CDK5RAP2: variants seen among roughly 807,000 people sequenced by gnomAD.
CDK5RAP2 encodes the protein CDK5 regulatory subunit associated protein 2.
CDK5RAP2 carries 147 observed loss-of-function variants against 232.9 expected under a neutral mutation model. The observed-to-expected ratio is 0.63, with a 90% CI of 0.55 to 0.72. The LOEUF (loss-of-function observed/expected upper bound fraction) is 0.72, where lower values mean the gene tolerates loss of function less well. Among genes scored for constraint, CDK5RAP2 ranks in the 30% least tolerant of loss-of-function variants. CDK5RAP2 has a pLI of 0.00. For missense variants in CDK5RAP2, 2,195 were observed against 2,231.5 expected (o/e 0.98, Z 0.33); for synonymous variants, 833 against 833.7 (o/e 1.00, Z 0.01).
chr9:120,511,936 C>T (rs1359342614), intron 12 of CDK5RAP2, among the ~76,000 whole-genome samples: 1 of 152,076 alleles, frequency 6.6e-6, no homozygotes, highest in Non-Finnish European at 1.5e-5. Flanking sequence ...CAGGATTTCA[C>T]CATGTCGACC....
chr9:120,518,778 C>A, intron 11 of CDK5RAP2, 133 bp from the exon 12 acceptor site: 1 of 697,958 alleles, frequency 1.4e-6, no homozygotes, highest in African/African-American at 1.8e-5. Flanking sequence ...CATTCAGAAA[C>A]CAAAGCAAAA....
At chr9:120,427,020 A>C (rs2034949591) in intron 25 of CDK5RAP2, among the ~76,000 whole-genome samples, 1 of 152,164 alleles carries the variant, frequency 6.6e-6, no homozygotes. Context: ...CCCTTAGCTG[A>C]GGGAAGGGTC....
chr9:120,426,242 T>C (rs1192921334), intron 25 of CDK5RAP2, among the ~76,000 whole-genome samples: 1 of 152,218 alleles, frequency 6.6e-6, no homozygotes, highest in African/African-American at 2.4e-5. Flanking sequence ...TTGGAGTTTA[T>C]TTTGCCAAGG....
At chr9:120,401,562 T>A (rs1252884954) in intron 34 of CDK5RAP2, among the ~76,000 whole-genome samples, 4 of 115,072 alleles carry the variant, frequency 3.5e-5, no homozygotes, top group African/African-American at 1.4e-4. Flanking sequence ...CAGTGTGCCA[T>A]AATCATGCCA....
chr9:120,549,813 A>G (rs10760101), intron 4 of CDK5RAP2, among the ~76,000 whole-genome samples: 128,200 of 152,132 alleles, frequency 0.84, 55,125 homozygotes, highest in Non-Finnish European at 0.93. Flanking sequence ...TCCCTTCCAG[A>G]AAAGGGGACA....
intron 5 of CDK5RAP2, among the ~76,000 whole-genome samples, chr9:120,540,605 G>C (rs1232660468): frequency 6.6e-6 from 1 of 152,202 alleles, no homozygotes; most frequent in African/African-American, 2.4e-5. Context: ...TGAACAACTG[G>C]AAAGAAAGAA....
chr9:120,579,901 A>C lies in CDK5RAP2; in HGVS notation c.59+19T>G, dbSNP rs1243567394. On this transcript the variant is annotated intron_variant, in intron 1 of 37. Coordinates refer to ENST00000349780, the MANE Select transcript of CDK5RAP2 (RefSeq NM_018249.6). ...GAACCCCGGCCCGGTTACCACGACCACCAATGCCCCGGCCGCACCTGCAGC... is the reference window on the plus strand; with the variant it reads ...GAACCCCGGCCCGGTTACCACGACCCCCAATGCCCCGGCCGCACCTGCAGC... 1.2e-6 allele frequency: 2 copies of C among 1,606,836 alleles called. No homozygotes were observed. Among genetic ancestry groups the C allele is most frequent in the Non-Finnish European group, 8.5e-7 (1 of 1,173,524 alleles).
In CDK5RAP2 at chr9:120,453,590, G is replaced by A; in HGVS notation, c.2659C>T (p.His887Tyr). The A allele has an allele frequency of 6.2e-7, 1 of 1,614,170 alleles. No homozygotes were observed. The highest frequency in any genetic ancestry group is 2.2e-5 in the East Asian group (1 of 44,870). The change falls in exon 21 of 38, where the codon CAT becomes TAT. Residue 887 changes from histidine (H) to tyrosine (Y), a missense_variant. Physicochemically the swap from His to Tyr is moderately conservative, Grantham distance 83. Coordinates refer to ENST00000349780, the MANE Select transcript of CDK5RAP2 (RefSeq NM_018249.6). ...TCCCAAGCCTCTCTTGTTGCTTCAT[G>A]CTTGAATCTCAGCAGGTCGCCCTCC... Reference protein sequence around the residue: ...ATEGDLLRFKHEATREAWEEK... With the variant: ...ATEGDLLRFKYEATREAWEEK...
chr9:120,527,008 C>T (rs2040929186), intron 10 of CDK5RAP2, among the ~76,000 whole-genome samples: 4 of 151,492 alleles, frequency 2.6e-5, no homozygotes, highest in Admixed American at 2.0e-4. Context: ...ATCAGGTCCC[C>T]TTCCCTCTGC....
chr9:120,478,989 T>C (rs1169229036), intron 14 of CDK5RAP2, among the ~76,000 whole-genome samples: 1 of 152,168 alleles, frequency 6.6e-6, no homozygotes, highest in East Asian at 1.9e-4. Flanking sequence ...TTGTCAATTA[T>C]AACTCAAAGC....
chr9:120,419,942 T>A lies in CDK5RAP2; in HGVS notation c.4023A>T (p.Leu1341Phe). Residue 1341 changes from leucine to phenylalanine, a missense_variant, in exon 27 of 38, where the codon TTA becomes TTT. Leu to Phe is a conservative substitution (Grantham distance 22). Coordinates refer to ENST00000349780, the MANE Select transcript of CDK5RAP2 (RefSeq NM_018249.6). ...ELMERIEEDN[L>F]TYQHLLPESP... The stretch of plus-strand genomic sequence containing the variant: ...ATTCAGGCAGAAGATGTTGGTAGGT[T>A]AAGTTGTCTTCCTCAATCCTTAACC... 2 of 1,613,864 alleles carry A rather than the reference T, an allele frequency of 1.2e-6. No individual in the cohort carries two copies. The highest frequency in any genetic ancestry group is 1.7e-6 in the Non-Finnish European group (2 of 1,179,758).
At chr9:120,437,200 A>C in intron 25 of CDK5RAP2, 95 bp downstream of exon 25, 1 of 866,712 alleles carries the variant, frequency 1.2e-6, no homozygotes, top group East Asian at 2.6e-5. Context: ...GGTGAAAGAT[A>C]ACTAAGGCCA....
At chr9:120,454,921 G>C (rs2036674439) in intron 20 of CDK5RAP2, among the ~76,000 whole-genome samples, 1 of 152,146 alleles carries the variant, frequency 6.6e-6, no homozygotes, top group Admixed American at 6.5e-5. Flanking sequence ...CCTGCTCCCT[G>C]ATGTCAAATC....
Position 120,529,465 on chromosome 9 carries a change from A to G in CDK5RAP2, c.825+513T>C, listed in dbSNP as rs2041049515. 2.0e-5 allele frequency among the ~76,000 whole-genome samples: 3 copies of G among 152,206 alleles called. No homozygotes were observed. In the South Asian group the frequency reaches 6.2e-4, roughly 32 times the overall value. Reference sequence around the variant, plus strand: ...TTCCTCTGAGCCTGAGCCCGTTTCTAAACGTGACAAGGAGACCATGAGCTC... The same window carrying G: ...TTCCTCTGAGCCTGAGCCCGTTTCTGAACGTGACAAGGAGACCATGAGCTC... On this transcript the variant is annotated intron_variant, in intron 8 of 37. Transcript: ENST00000349780.
chr9:120,410,191 AGAATT>A lies in CDK5RAP2; in HGVS notation c.4415-880_4415-876del, dbSNP rs2033756747. On this transcript the variant is annotated intron_variant, in intron 29 of 37. Coordinates refer to ENST00000349780, the MANE Select transcript of CDK5RAP2 (RefSeq NM_018249.6). ...CACACAGCCAGTAGGTGGCAGAACC[AGAATT>A]CGGACTCAGTCTGATTCCATTCTTA... Among the ~76,000 whole-genome samples, 5 of 152,352 alleles carry A rather than the reference AGAATT, an allele frequency of 3.3e-5. No homozygotes were observed. The East Asian group carries it at 9.6e-4, about 29-fold the overall frequency.
At chr9:120,515,969 G>A (rs891614378) in intron 12 of CDK5RAP2, among the ~76,000 whole-genome samples, 4 of 152,098 alleles carry the variant, frequency 2.6e-5, no homozygotes. Context: ...GATTCCTCAG[G>A]GATCTAGAAC....
At chr9:120,488,409 TTATAGA>T (rs2038723871) in intron 13 of CDK5RAP2, among the ~76,000 whole-genome samples, 1 of 152,380 alleles carries the variant, frequency 6.6e-6, no homozygotes, top group East Asian at 1.9e-4. Flanking sequence ...TAAAGTCCAA[TTATAGA>T]TATACATAGT....
chr9:120,419,026 T>A (rs2034405167), intron 27 of CDK5RAP2, among the ~76,000 whole-genome samples: 1 of 152,124 alleles, frequency 6.6e-6, no homozygotes, highest in Admixed American at 6.5e-5. Flanking sequence ...TATTAGGAAG[T>A]GGGGGCTTTG....
intron 15 of CDK5RAP2, among the ~76,000 whole-genome samples, chr9:120,477,014 T>G (rs1353625259): frequency 1.3e-5 from 2 of 152,234 alleles, no homozygotes; most frequent in African/African-American, 4.8e-5. Flanking sequence ...GCATTATTAT[T>G]ACTTCACAGA....
Sources: allele counts gnomAD v4.1 joint callset (sites outside exome capture counted in the v4.1 genomes callset), GRCh38; gene constraint gnomAD v4.1.1; transcripts MANE v1.5; gene names NCBI Gene and HGNC (gene_info 2026-07-23, HGNC 2026-07-21).